Variants in XRCC5 observed in about 807,000 individuals in gnomAD.
XRCC5 encodes the protein DNA repair protein Ku80.
A neutral mutation model predicts 95.7 loss-of-function variants in XRCC5; 12 were observed. The ratio of observed to expected loss-of-function variants is 0.13; its 90% CI spans 0.08 to 0.20. The LOEUF is 0.20. Among genes scored for constraint, XRCC5 ranks in the 10% least tolerant of loss-of-function variants. XRCC5 has a pLI of 1.00. For synonymous variants in XRCC5, 281 were observed against 290.3 expected (o/e 0.97, Z 0.33); for missense variants, 595 against 873.9 (o/e 0.68, Z 4.02).
rs549492776 is a variant in XRCC5, at chr2:216,133,741, A to G, written c.1113+1354A>G. ...AGATTTATCTCCTAATGGCAAAGGG[A>G]TACTCTCTAGTGTCAGTTTTTGAGG... On this transcript the variant is annotated intron_variant, in intron 10 of 20. Coordinates refer to ENST00000392132, the MANE Select transcript of XRCC5 (RefSeq NM_021141.4). Among the ~76,000 whole-genome samples, 166 of 152,344 alleles carry G rather than the reference A, an allele frequency of 1.1e-3. 2 individuals carry two copies. Among genetic ancestry groups the G allele is most frequent in the African/African-American group, 3.9e-3 (162 of 41,576 alleles).
intron 16 of XRCC5, among the ~76,000 whole-genome samples, chr2:216,173,170 A>G (rs1465296652): frequency 2.0e-5 from 3 of 152,158 alleles, no homozygotes; most frequent in African/African-American, 7.2e-5. Flanking sequence ...TTGTCTGCAA[A>G]TAAAGAAAGC....
intron 14 of XRCC5, among the ~76,000 whole-genome samples, chr2:216,151,350 A>G (rs1398285179): frequency 6.6e-6 from 1 of 152,224 alleles, no homozygotes; most frequent in Non-Finnish European, 1.5e-5. Context: ...CGGACATCTC[A>G]GGTCTAATCC....
rs182411746 is a variant in XRCC5, at chr2:216,165,720, T to A, written c.1834+3672T>A. Among the ~76,000 whole-genome samples, 18 of 152,352 alleles carry A rather than the reference T, an allele frequency of 1.2e-4. No individual in the cohort carries two copies. In the East Asian group the frequency reaches 3.5e-3, roughly 29 times the overall value. ...CCTTTTCTCCAGTAAATTTATTTTT[T>A]AAAATTCAGTTGTCAAAAGGGCGAT... On this transcript the variant is annotated intron_variant, in intron 16 of 20. Coordinates refer to ENST00000392132, the MANE Select transcript of XRCC5 (RefSeq NM_021141.4).
chr2:216,137,372 TTC>T (rs1177291689), intron 11 of XRCC5, 147 bp downstream of exon 11: 14 of 884,242 alleles, frequency 1.6e-5, no homozygotes, highest in Non-Finnish European at 2.2e-5. Flanking sequence ...AGGGCCCAGA[TTC>T]TCTGTTTCTC....
intron 18 of XRCC5, among the ~76,000 whole-genome samples, chr2:216,193,322 T>G (rs1279786057): frequency 2.0e-5 from 3 of 152,202 alleles, no homozygotes; most frequent in Non-Finnish European, 4.4e-5. Context: ...GCCCCACCTT[T>G]TTTAAAACAT....
intron 14 of XRCC5, chr2:216,156,222 G>A (rs1688839859): frequency 4.5e-6 from 2 of 444,886 alleles, no homozygotes; most frequent in Non-Finnish European, 4.3e-6. Context: ...CTTGTGATTC[G>A]TTGAGGCCAT....
intron 9 of XRCC5, chr2:216,131,226 G>A: frequency 2.0e-6 from 2 of 985,348 alleles, no homozygotes; most frequent in South Asian, 9.4e-5. Flanking sequence ...TTTTTGAATG[G>A]GGAATGGAAG....
At chr2:216,109,576 G>A in intron 1 of XRCC5, 119 bp downstream of exon 1, 2 of 1,457,142 alleles carry the variant, frequency 1.4e-6, no homozygotes, top group Non-Finnish European at 1.9e-6. Flanking sequence ...GAAGATCATG[G>A]TGGTGGGCTC....
At chr2:216,158,366 G>T (rs551116529) in intron 14 of XRCC5, among the ~76,000 whole-genome samples, 3 of 152,310 alleles carry the variant, frequency 2.0e-5, no homozygotes, top group South Asian at 4.1e-4. Flanking sequence ...TCAAGAAGGT[G>T]TAAGATTTCA....
intron 19 of XRCC5, among the ~76,000 whole-genome samples, chr2:216,198,651 G>A (rs1435784434): frequency 6.6e-6 from 1 of 151,984 alleles, no homozygotes; most frequent in East Asian, 1.9e-4. Context: ...TGCCTCCCAG[G>A]TTCAAGCAGT....
At chr2:216,136,173 A>G (rs1697070525) in intron 10 of XRCC5, among the ~76,000 whole-genome samples, 1 of 152,060 alleles carries the variant, frequency 6.6e-6, no homozygotes, top group Non-Finnish European at 1.5e-5. Context: ...CCTGACCAAC[A>G]TGGAGAAACC....
At chr2:216,191,658 A>C (rs1179115600) in intron 17 of XRCC5, among the ~76,000 whole-genome samples, 1 of 152,106 alleles carries the variant, frequency 6.6e-6, no homozygotes, top group Non-Finnish European at 1.5e-5. Context: ...TTATTCGCCC[A>C]CCTTGGCCTC....
rs763132763 is a variant in XRCC5, at chr2:216,137,120, T to C, written c.1146T>C (p.His382=). ...CAGTTGCACTTTCCTCCCTGATTCA[T>C]GCTTTGGATGACTTAGACATGGTGG... ...AAAVALSSLI[H]ALDDLDMVAI... is the part of the protein sequence containing the mutation. The change falls in exon 11 of 21, where the codon CAT becomes CAC. Residue 382 remains histidine (H), a synonymous_variant. Transcript: ENST00000392132. 1 of 1,613,746 alleles carries C rather than the reference T, an allele frequency of 6.2e-7. No individual in the cohort carries two copies. The highest frequency in any genetic ancestry group is 1.3e-5 in the African/African-American group (1 of 75,060).
At chr2:216,184,595 G>A (rs947221870) in intron 16 of XRCC5, among the ~76,000 whole-genome samples, 4 of 152,216 alleles carry the variant, frequency 2.6e-5, no homozygotes, top group South Asian at 2.1e-4. Flanking sequence ...TCCTGCCTCC[G>A]CCTCAGCCTC....
In XRCC5 at chr2:216,116,623, T is replaced by C. The variant is rs370440034; in HGVS notation, c.136-36T>C. ...GTATTTTATTGCTTCCAGATTGTTCTAATATGGTTTTCAGCCATCTGACAT... is the reference window on the plus strand; with the variant it reads ...GTATTTTATTGCTTCCAGATTGTTCCAATATGGTTTTCAGCCATCTGACAT... On this transcript the variant is annotated intron_variant, in intron 2 of 20. Transcript: ENST00000392132. The C allele has an allele frequency of 4.0e-5, 64 of 1,612,932 alleles. 1 individual carries two copies. The African/African-American group carries it at 8.1e-4, about 21-fold the overall frequency.
chr2:216,141,335 T>A lies in XRCC5; in HGVS notation c.1476+16T>A. The A allele has an allele frequency of 6.2e-7, 1 of 1,613,822 alleles. No homozygotes were observed. On this transcript the variant is annotated intron_variant, in intron 13 of 20. Transcript: ENST00000392132. ...ATTATTTCAGGTAAGAGAAGAAGGA[T>A]GAACAAGTCATATTTCTTTTAAATG... is the stretch of plus-strand genomic sequence containing the variant.
intron 5 of XRCC5, 58 bp downstream of exon 5, chr2:216,119,223 T>C: frequency 2.5e-6 from 4 of 1,596,440 alleles, no homozygotes; most frequent in Non-Finnish European, 3.4e-6. Flanking sequence ...ATATAGTGAA[T>C]GGGCCCTCTG....
chr2:216,175,691 A>G (rs558661169), intron 16 of XRCC5: 2 of 425,786 alleles, frequency 4.7e-6, no homozygotes, highest in South Asian at 1.9e-5. Flanking sequence ...AATCCTCTCT[A>G]GAAACAACTG....
At chr2:216,202,492 G>T (rs12616505) in intron 19 of XRCC5, among the ~76,000 whole-genome samples, 31,240 of 152,010 alleles carry the variant, frequency 0.21, 4,613 homozygotes, top group African/African-American at 0.42. Flanking sequence ...TCTGTATTTG[G>T]CTGTCAGATA....
Sources: allele counts gnomAD v4.1 joint callset (sites outside exome capture counted in the v4.1 genomes callset), GRCh38; gene constraint gnomAD v4.1.1; transcripts MANE v1.5; gene names NCBI Gene and HGNC (gene_info 2026-07-23, HGNC 2026-07-21).